SMURF2: variants seen among roughly 807,000 people sequenced by gnomAD.
SMURF2 encodes SMAD specific E3 ubiquitin protein ligase 2.
Under a neutral mutation model 109.6 loss-of-function variants are expected in SMURF2, and 48 were observed. That is an observed-to-expected ratio of 0.44 (90% CI 0.35 to 0.56). The LOEUF (loss-of-function observed/expected upper bound fraction) is 0.56, where lower values mean the gene tolerates loss of function less well. Among genes scored for constraint, SMURF2 ranks in the 20% least tolerant of loss-of-function variants. SMURF2 has a pLI of 0.01. For missense variants in SMURF2, 575 were observed against 909.0 expected (o/e 0.63, Z 4.72); for synonymous variants, 288 against 317.1 (o/e 0.91, Z 0.97).
intron 5 of SMURF2, among the ~76,000 whole-genome samples, chr17:64,588,319 T>C (rs112671290): frequency 0.014 from 2,120 of 152,140 alleles, 24 homozygotes; most frequent in Non-Finnish European, 0.022. Flanking sequence ...GAATCAATTA[T>C]CTAAATTTGG....
intron 1 of SMURF2, among the ~76,000 whole-genome samples, chr17:64,650,899 T>C (rs1479472640): frequency 7.1e-6 from 1 of 140,560 alleles, no homozygotes; most frequent in African/African-American, 3.2e-5. Flanking sequence ...TGCCTAGGAA[T>C]GCACGGTGGT....
At chr17:64,578,193 C>T (rs1969525131) in intron 9 of SMURF2, among the ~76,000 whole-genome samples, 1 of 152,008 alleles carries the variant, frequency 6.6e-6, no homozygotes, top group Admixed American at 6.6e-5. Context: ...ATCTGCCCAC[C>T]TTGGCCTCCC....
chr17:64,546,225 T>C, intron 18 of SMURF2, 38 bp downstream of exon 18: 1 of 1,588,966 alleles, frequency 6.3e-7, no homozygotes, highest in Non-Finnish European at 8.6e-7. Flanking sequence ...AACACTTATG[T>C]ACATGGAATG....
At position 64,555,915 on chromosome 17, in the gene SMURF2, T is replaced by C. The variant is rs782730561; in HGVS notation, c.1515A>G (p.Thr505=). 2 of 1,613,768 alleles carry C rather than the reference T, an allele frequency of 1.2e-6. No homozygotes were observed. Among genetic ancestry groups the C allele is most frequent in the South Asian group, 1.1e-5 (1 of 91,060 alleles). The change falls in exon 14 of 19, where the codon ACA becomes ACG. Residue 505 remains threonine, a synonymous_variant. Transcript: ENST00000262435. ...FHGHYIDGGF[T]LPFYKQLLGK... is the part of the protein sequence containing the mutation. Reference sequence around the variant, plus strand: ...CAAGCAATTGCTTATAAAAAGGCAATGTGAAACCACCATCAATATAATGTC... The same window carrying C: ...CAAGCAATTGCTTATAAAAAGGCAACGTGAAACCACCATCAATATAATGTC...
chr17:64,591,177 G>T, intron 4 of SMURF2, 28 bp from the exon 5 acceptor site: 1 of 1,562,044 alleles, frequency 6.4e-7, no homozygotes, highest in Non-Finnish European at 8.8e-7. Flanking sequence ...AGAAAGCAAC[G>T]AAAAAATTAG....
At chr17:64,611,052 CT>C (rs1388176283) in intron 1 of SMURF2, among the ~76,000 whole-genome samples, 1 of 152,212 alleles carries the variant, frequency 6.6e-6, no homozygotes, top group Non-Finnish European at 1.5e-5. Context: ...AAAACTCATT[CT>C]AAGTTCTCTT....
Position 64,547,469 on chromosome 17 carries a change from T to C in SMURF2, c.2071+131A>G, listed in dbSNP as rs1413998256. ...AAGGAGGGAGAAGAAGGTATCACAA[T>C]GTGAGAGTCACAGATAAGAAGTGAA... On this transcript the variant is annotated intron_variant, in intron 17 of 18. Coordinates refer to ENST00000262435, the MANE Select transcript of SMURF2 (RefSeq NM_022739.4). The surrounding 1 kb of genome is among the most constrained non-coding windows in gnomAD (Gnocchi z 4.2). The C allele has an allele frequency of 1.3e-6, 1 of 743,122 alleles. No individual in the cohort carries two copies. 46.0% of individuals were successfully genotyped at this position (743,122 alleles called of 1,614,324 possible). A position where few individuals can be genotyped will look rare whatever the true frequency, so the allele number is the denominator to read the frequency against.
At chr17:64,549,249 G>A (rs1969002997) in intron 16 of SMURF2, among the ~76,000 whole-genome samples, 1 of 119,398 alleles carries the variant, frequency 8.4e-6, no homozygotes, top group Non-Finnish European at 1.6e-5. Context: ...GGGGACAAGT[G>A]AGACTGTGTC....
At chr17:64,626,763 A>AAAAAC (rs371936221) in intron 1 of SMURF2, among the ~76,000 whole-genome samples, 34 of 152,276 alleles carry the variant, frequency 2.2e-4, no homozygotes, top group East Asian at 1.2e-3. Context: ...ATTCCATCAA[A>AAAAAC]AAAACAAAAC....
intron 1 of SMURF2, among the ~76,000 whole-genome samples, chr17:64,624,314 T>C (rs897846647): frequency 6.6e-6 from 1 of 151,372 alleles, no homozygotes; most frequent in Non-Finnish European, 1.5e-5. Flanking sequence ...CTGGGCAACA[T>C]GGTGAAACCT....
rs370033606 is a variant in SMURF2 at position 64,571,783 on chromosome 17, G to A, written c.1016+15C>T. 33 of 1,599,534 alleles carry A rather than the reference G, an allele frequency of 2.1e-5. No homozygotes were observed. In the African/African-American group the frequency reaches 4.3e-4, roughly 21 times the overall value. On this transcript the variant is annotated intron_variant, in intron 10 of 18. Transcript: ENST00000262435. ...TTTAACTCCCATTTTAACATGTATT[G>A]TTTCAAAAACTTACTTTAAAACTAA...
At chr17:64,632,080 T>A (rs559075695) in intron 1 of SMURF2, among the ~76,000 whole-genome samples, 6 of 139,628 alleles carry the variant, frequency 4.3e-5, no homozygotes, top group African/African-American at 1.6e-4. Flanking sequence ...TGCCTCAGCC[T>A]CCCAAGTAGC....
At chr17:64,637,347 G>A (rs113545221) in intron 1 of SMURF2, among the ~76,000 whole-genome samples, 8,076 of 151,612 alleles carry the variant, frequency 0.053, 368 homozygotes, top group African/African-American at 0.12. Context: ...GACTGGTCCC[G>A]AACTCCTGGC....
At chr17:64,646,191 G>A (rs146660438) in intron 1 of SMURF2, among the ~76,000 whole-genome samples, 2,782 of 149,606 alleles carry the variant, frequency 0.019, 55 homozygotes, top group Admixed American at 0.028. Context: ...TCAGCCTCCC[G>A]AGTAGCTGGG....
At chr17:64,630,109 G>A (rs530534471) in intron 1 of SMURF2, among the ~76,000 whole-genome samples, 15 of 152,112 alleles carry the variant, frequency 9.9e-5, no homozygotes, top group African/African-American at 3.4e-4. Flanking sequence ...GGTGGTGCAC[G>A]CCTGTAGTCC....
intron 4 of SMURF2, chr17:64,593,116 G>A (rs533563834): frequency 1.3e-5 from 2 of 154,594 alleles, no homozygotes; most frequent in African/African-American, 4.8e-5. Context: ...TTGCCATTCT[G>A]GATATCAATC....
intron 5 of SMURF2, among the ~76,000 whole-genome samples, chr17:64,589,292 A>T (rs1448615445): frequency 6.6e-6 from 1 of 152,212 alleles, no homozygotes; most frequent in Non-Finnish European, 1.5e-5. Context: ...AACTATTGTT[A>T]CTACTAGACA....
At chr17:64,565,260 TCTAA>T (rs1187871237) in intron 10 of SMURF2, among the ~76,000 whole-genome samples, 1 of 151,738 alleles carries the variant, frequency 6.6e-6, no homozygotes, top group Non-Finnish European at 1.5e-5. Flanking sequence ...AAAAAAAAAA[TCTAA>T]CTACCCAATA....
intron 1 of SMURF2, among the ~76,000 whole-genome samples, chr17:64,622,817 C>T (rs1555690782): frequency 6.6e-6 from 1 of 152,150 alleles, no homozygotes; most frequent in Admixed American, 6.6e-5. Flanking sequence ...ACAAAACCCA[C>T]ACATAAGGAC....
Sources: allele counts gnomAD v4.1 joint callset (sites outside exome capture counted in the v4.1 genomes callset), GRCh38; gene constraint gnomAD v4.1.1; non-coding constraint Gnocchi (gnomAD v3.1); transcripts MANE v1.5; gene names NCBI Gene and HGNC (gene_info 2026-07-23, HGNC 2026-07-21).